The following NPIPB2 variants were observed in gnomAD, a reference collection of about 807,000 sequenced individuals.
The protein encoded by NPIPB2 is nuclear pore complex interacting protein family member B2, also known as nuclear pore complex-interacting protein family member B2.
A neutral mutation model predicts 30.8 loss-of-function variants in NPIPB2; 27 were observed. That is an observed-to-expected ratio of 0.88 (90% CI 0.65 to 1.21). The LOEUF (loss-of-function observed/expected upper bound fraction) is 1.21, where lower values mean the gene tolerates loss of function less well. Ranked by LOEUF, NPIPB2 falls within the 50% of genes most tolerant of loss-of-function variation. The pLI, the probability that NPIPB2 is intolerant of heterozygous loss-of-function variation, is 0.00. For missense variants in NPIPB2, 440 were observed against 446.2 expected, an observed-to-expected ratio of 0.99 and a Z score of 0.13; for synonymous variants, 147 against 162.0, an observed-to-expected ratio of 0.91 and a Z score of 0.70.
intron 1 of NPIPB2, among the ~76,000 whole-genome samples, chr16:11,948,254 A>G (rs1455863513): frequency 6.6e-6 from 1 of 151,974 alleles, no homozygotes; most frequent in Non-Finnish European, 1.5e-5. Flanking sequence ...ACCTCACCAA[A>G]CAGAAATAAA....
At chr16:11,931,539 T>A (rs1287840333) in intron 4 of NPIPB2, among the ~76,000 whole-genome samples, 3 of 152,304 alleles carry the variant, frequency 2.0e-5, no homozygotes, top group South Asian at 2.1e-4. Context: ...TCAAACAAGG[T>A]GTGTGTGGTG....
intron 1 of NPIPB2, among the ~76,000 whole-genome samples, chr16:11,956,907 G>T (rs1411901434): frequency 2.0e-5 from 3 of 152,310 alleles, no homozygotes; most frequent in African/African-American, 4.8e-5. Context: ...CCCCAGGAGG[G>T]CTCCACAGCT....
At position 11,941,199 on chromosome 16, in the gene NPIPB2, C is replaced by T. The variant is rs1215446798; in HGVS notation, c.63+784G>A. 5 of 1,526,562 alleles carry T rather than the reference C, an allele frequency of 3.3e-6. No individual in the cohort carries two copies. In the East Asian group the frequency reaches 1.0e-4, roughly 31 times the overall value. The allele number at this position is 1,526,562 out of a possible 1,614,324, so 94.6% of individuals were successfully genotyped here. On this transcript the variant is annotated intron_variant, in intron 1 of 7. Transcript: ENST00000399147. ...TGGACTGATGGCTGATAAATTCCAG[C>T]AGGAGCCAAAAGAGGAGCCAAAAGA...
chr16:11,955,734 G>GAA (rs147657029), intron 1 of NPIPB2, among the ~76,000 whole-genome samples: 297 of 142,684 alleles, frequency 2.1e-3, no homozygotes, highest in Middle Eastern at 7.0e-3. Flanking sequence ...AAAAAAAAAA[G>GAA]AAAAGAAAAA....
intron 1 of NPIPB2, among the ~76,000 whole-genome samples, chr16:11,973,403 G>A (rs1442968670): frequency 6.6e-6 from 1 of 152,024 alleles, no homozygotes; most frequent in African/African-American, 2.4e-5. Flanking sequence ...CACTGTGGGG[G>A]CCAAGGGGAA....
At chr16:11,966,347 T>C in intron 1 of NPIPB2, 1 of 1,606,420 alleles carries the variant, frequency 6.2e-7, no homozygotes, top group Non-Finnish European at 8.5e-7. Context: ...CACAGGTTGG[T>C]TTGATGGTGA....
intron 1 of NPIPB2, among the ~76,000 whole-genome samples, chr16:11,959,190 T>C: frequency 6.6e-6 from 1 of 152,110 alleles, no homozygotes; most frequent in East Asian, 1.9e-4. Context: ...TCCTCACTGT[T>C]CCTTCTATGT....
intron 2 of NPIPB2, among the ~76,000 whole-genome samples, chr16:11,934,660 A>C (rs943647575): frequency 2.0e-5 from 3 of 151,856 alleles, no homozygotes; most frequent in Admixed American, 6.6e-5. Flanking sequence ...AGAGATGGAC[A>C]CCATCTTGGG....
intron 2 of NPIPB2, among the ~76,000 whole-genome samples, 161 bp downstream of exon 2, chr16:11,937,379 A>G (rs538326627): frequency 6.6e-6 from 1 of 152,362 alleles, no homozygotes; most frequent in Non-Finnish European, 1.5e-5. Flanking sequence ...CATAATGTAA[A>G]TGGCAGATAT....
At chr16:11,965,551 A>T in intron 1 of NPIPB2, 4 of 1,268,106 alleles carry the variant, frequency 3.2e-6, no homozygotes, top group Non-Finnish European at 3.3e-6. Context: ...CATGATGGTG[A>T]GTTTTCTTGA....
Position 11,927,799 on chromosome 16 carries a change from GT to G in NPIPB2, c.767del (p.Asn256ThrfsTer16), listed in dbSNP as rs1266265798. The G allele has an allele frequency of 1.3e-6, 2 of 1,523,758 alleles. No homozygotes were observed. Among genetic ancestry groups the G allele is most frequent in the African/African-American group, 2.8e-5 (2 of 72,244 alleles). 94.4% of individuals were successfully genotyped at this position (1,523,758 alleles called of 1,614,324 possible). ...GAGGAGGTGGCTGGTGGCCCATCCT[GT>G]TTTTTAAAGTTTCAGCTGTGAGGTA... On this transcript the variant is annotated frameshift_variant, in exon 8 of 8. Transcript: ENST00000399147. LOFTEE classifies it low-confidence loss of function (END_TRUNC).
chr16:11,943,574 C>T (rs188974936), upstream of NPIPB2, among the ~76,000 whole-genome samples: 4 of 151,228 alleles, frequency 2.6e-5, no homozygotes, highest in Admixed American at 1.3e-4. Context: ...TGGTGGCACA[C>T]GCCTGTAATC....
chr16:11,954,086 G>T (rs894689553), intron 1 of NPIPB2, among the ~76,000 whole-genome samples: 4 of 151,030 alleles, frequency 2.6e-5, no homozygotes, highest in Admixed American at 6.6e-5. Context: ...TAGGCATTTT[G>T]GTTATTTCCA....
At chr16:11,962,792 G>C (rs972207954) in intron 1 of NPIPB2, among the ~76,000 whole-genome samples, 2 of 151,964 alleles carry the variant, frequency 1.3e-5, no homozygotes, top group African/African-American at 4.8e-5. Flanking sequence ...TCAGTGGCTG[G>C]GCGCGGTGGC....
chr16:11,942,056 C>A (rs780711740), upstream of NPIPB2: 17 of 1,360,398 alleles, frequency 1.2e-5, no homozygotes, highest in African/African-American at 1.4e-4. Context: ...CAGCAGGATG[C>A]GGAAGGTCCC....
At chr16:11,957,405 C>T (rs1248399681) in intron 1 of NPIPB2, among the ~76,000 whole-genome samples, 2 of 152,074 alleles carry the variant, frequency 1.3e-5, no homozygotes. Context: ...CCTCGTGACC[C>T]ACCTGCCTCG....
chr16:11,933,405 C>T (rs1421146357), intron 4 of NPIPB2, 112 bp downstream of exon 4: 1 of 1,487,834 alleles, frequency 6.7e-7, no homozygotes, highest in Non-Finnish European at 9.1e-7. Flanking sequence ...CAATTTTGAA[C>T]CCACTGAATT....
intron 1 of NPIPB2, chr16:11,967,995 T>A: frequency 6.8e-6 from 6 of 881,308 alleles, no homozygotes; most frequent in Non-Finnish European, 8.4e-6. Flanking sequence ...TTAGATATAT[T>A]TCTCTAGGTT....
chr16:11,948,724 G>A (rs995839548), intron 1 of NPIPB2, among the ~76,000 whole-genome samples: 3 of 120,824 alleles, frequency 2.5e-5, no homozygotes, highest in African/African-American at 5.9e-5. Context: ...CCGAGATCCC[G>A]CCACTGCACT....
Sources: gnomAD v4.1 joint callset for allele counts (sites outside exome capture counted in the v4.1 genomes callset) on GRCh38, gnomAD v4.1.1 for gene constraint, MANE v1.5 for transcripts, NCBI Gene and HGNC (gene_info 2026-07-23, HGNC 2026-07-21) for gene names.